EXD3: variants seen among roughly 807,000 people sequenced by gnomAD.
EXD3 encodes the protein exonuclease 3'-5' domain containing 3, also known as exonuclease mut-7 homolog.
A neutral mutation model predicts 98.0 loss-of-function variants in EXD3; 92 were observed. That is an observed-to-expected ratio of 0.94 (90% CI 0.79 to 1.12). The LOEUF is 1.12. Among genes scored for constraint, EXD3 ranks in the 50% most tolerant of loss-of-function variants. The pLI, the probability that EXD3 is intolerant of heterozygous loss-of-function variation, is 0.00. For missense variants in EXD3, 1,222 were observed against 1,191.6 expected (o/e 1.03, Z -0.38); for synonymous variants, 569 against 526.0 (o/e 1.08, Z -1.12).
At chr9:137,309,083 C>T (rs1170401061) in intron 20 of EXD3, among the ~76,000 whole-genome samples, 1 of 152,154 alleles carries the variant, frequency 6.6e-6, no homozygotes, top group Non-Finnish European at 1.5e-5. Context: ...GTTCTAATGG[C>T]GGCGGGGCGG....
Position 137,351,337 on chromosome 9 carries a change from G to A in EXD3, c.1365C>T (p.Asp455=). 6.2e-7 allele frequency: 1 copy of A among 1,611,742 alleles called. No homozygotes were observed. Residue 455 remains aspartate, a synonymous_variant, in exon 13 of 22, where the codon GAC becomes GAT. Transcript: ENST00000340951. ...FSRLVAQLLS[D]PSITKLGYGM... is the part of the protein sequence containing the mutation. ...ACTCACCCAGCTTGGTGATAGAGGG[G>A]TCCGAGAGGAGCTGGGCCACCAGCC...
intron 1 of EXD3, among the ~76,000 whole-genome samples, chr9:137,410,484 CAAAAAAA>C (rs34834761): frequency 1.6e-3 from 117 of 72,352 alleles, no homozygotes; most frequent in Non-Finnish European, 2.6e-3. Flanking sequence ...AACTCTGTCT[CAAAAAAA>C]AAAAAAAAAA....
intron 19 of EXD3, among the ~76,000 whole-genome samples, chr9:137,321,651 C>T (rs1170197699): frequency 6.6e-6 from 1 of 152,148 alleles, no homozygotes; most frequent in Non-Finnish European, 1.5e-5. Flanking sequence ...TCACTACACT[C>T]CAGCCTGGGC....
At chr9:137,320,609 C>T (rs1303192223) in intron 19 of EXD3, among the ~76,000 whole-genome samples, 2 of 152,156 alleles carry the variant, frequency 1.3e-5, no homozygotes, top group African/African-American at 2.4e-5. Flanking sequence ...TGGGTCAGGG[C>T]GGCCCCCACT....
At chr9:137,370,552 C>CGG (rs1382598729) in intron 5 of EXD3, among the ~76,000 whole-genome samples, 4 of 137,988 alleles carry the variant, frequency 2.9e-5, no homozygotes, top group African/African-American at 1.1e-4. Flanking sequence ...CTGGCGGGGT[C>CGG]GGGGTGGGGC....
At chr9:137,332,263 G>T (rs1226504690) in intron 17 of EXD3, among the ~76,000 whole-genome samples, 1 of 152,152 alleles carries the variant, frequency 6.6e-6, no homozygotes, top group African/African-American at 2.4e-5. Context: ...AACCAAAAAA[G>T]AGCCTGAATA....
chr9:137,327,735 C>T (rs56742239), intron 17 of EXD3, among the ~76,000 whole-genome samples: 10 of 48,100 alleles, frequency 2.1e-4, no homozygotes, highest in African/African-American at 6.1e-4. Context: ...TATACACCCA[C>T]ATGATGAGTA....
chr9:137,341,516 C>A (rs556859125), intron 17 of EXD3, among the ~76,000 whole-genome samples: 1 of 151,246 alleles, frequency 6.6e-6, no homozygotes, highest in Non-Finnish European at 1.5e-5. Context: ...CACCAGGAGC[C>A]GTCTCCCAGG....
At chr9:137,354,569 A>G (rs1388332642) in intron 9 of EXD3, 131 bp downstream of exon 9, 5 of 1,541,520 alleles carry the variant, frequency 3.2e-6, no homozygotes, top group Non-Finnish European at 4.4e-6. Context: ...CAGCTCACCC[A>G]GCTCTGGGGC....
At chr9:137,414,052 G>C (rs1838128800) in intron 1 of EXD3, among the ~76,000 whole-genome samples, 1 of 151,956 alleles carries the variant, frequency 6.6e-6, no homozygotes, top group South Asian at 2.1e-4. Context: ...GAGTAGCTGG[G>C]ACTACAGGCG....
intron 8 of EXD3, among the ~76,000 whole-genome samples, chr9:137,355,105 C>T (rs554177819): frequency 1.6e-4 from 25 of 152,344 alleles, no homozygotes; most frequent in Non-Finnish European, 3.4e-4. Context: ...CTCACTGGCA[C>T]GTGGAACCCT....
chr9:137,369,446 C>T (rs1249515551), intron 5 of EXD3, among the ~76,000 whole-genome samples: 4 of 152,240 alleles, frequency 2.6e-5, no homozygotes, highest in Non-Finnish European at 5.9e-5. Flanking sequence ...CTCTGCTCCT[C>T]CTGCCGCATG....
chr9:137,356,139 G>A, intron 8 of EXD3, 129 bp downstream of exon 8: 3 of 681,552 alleles, frequency 4.4e-6, no homozygotes, highest in South Asian at 1.8e-5. Flanking sequence ...AGGCAGGGAG[G>A]GGCTCTCTGG....
Position 137,307,036 on chromosome 9 carries a change from C to T in EXD3, c.2545G>A (p.Ala849Thr). ...FWDGSHLGRV[A>T]THFRDMLESA... Reference sequence around the variant, plus strand: ...TCCAGCATGTCTCGGAAGTGGGTGGCAACACGACCCAGGTGGGAGCCGTCC... The same window carrying T: ...TCCAGCATGTCTCGGAAGTGGGTGGTAACACGACCCAGGTGGGAGCCGTCC... The change falls in exon 22 of 22, where the codon GCC (alanine) becomes ACC (threonine). Residue 849 changes from alanine (A) to threonine (T), a missense_variant. By Grantham distance (58) the Ala-to-Thr change is moderately conservative (BLOSUM62 0). Transcript: ENST00000340951. 1 of 1,612,248 alleles carries T rather than the reference C, an allele frequency of 6.2e-7. No homozygotes were observed. Among genetic ancestry groups the T allele is most frequent in the Non-Finnish European group, 8.5e-7 (1 of 1,179,650 alleles).
chr9:137,352,338 GT>G (rs1359074084), intron 11 of EXD3, 137 bp from the exon 12 acceptor site: 1 of 1,264,206 alleles, frequency 7.9e-7, no homozygotes, highest in East Asian at 2.4e-5. Context: ...CACCGGCTCA[GT>G]CCAGCCCAGC....
Position 137,356,314 on chromosome 9 carries a change from C to T in EXD3, c.711G>A (p.Leu237=), listed in dbSNP as rs1050706663. 2 of 1,604,880 alleles carry T rather than the reference C, an allele frequency of 1.2e-6. No individual in the cohort carries two copies. Among genetic ancestry groups the T allele is most frequent in the East Asian group, 2.2e-5 (1 of 44,598 alleles). Residue 237 remains leucine, a synonymous_variant, in exon 8 of 22, where the codon CTG becomes CTA. Transcript: ENST00000340951. The part of the protein sequence containing the change: ...LSLEKLSPKA[L]SRQVLRLQER... Reference sequence around the variant, plus strand: ...CCTGCAGACGCAAGACCTGCCTGCTCAGCGCCTTCGGACTCAGCTTCTCCA... The same window carrying T: ...CCTGCAGACGCAAGACCTGCCTGCTTAGCGCCTTCGGACTCAGCTTCTCCA...
In EXD3 at chr9:137,343,575, CTTTTTTTTTTTTTTTTT is replaced by C. The variant is rs1167772389; in HGVS notation, c.1998+4479_1998+4495del. On this transcript the variant is annotated intron_variant, in intron 17 of 21. Transcript: ENST00000340951. ...AACATCTCACCATGGACTACTGTAT[CTTTTTTTTTTTTTTTTT>C]TTTTTTTTTTTTTTGAGACGGAGTC... The C allele has an allele frequency of 1.6e-4, 9 of 56,614 alleles. No individual in the cohort carries two copies. The South Asian group carries it at 3.0e-3, about 19-fold the overall frequency. 3.5% of individuals were successfully genotyped at this position (56,614 alleles called of 1,614,324 possible). A position where few individuals can be genotyped will look rare whatever the true frequency, so the allele number is the denominator to read the frequency against.
intron 17 of EXD3, among the ~76,000 whole-genome samples, chr9:137,328,611 GC>G (rs1261034554): frequency 5.3e-5 from 1 of 19,004 alleles, no homozygotes; most frequent in Non-Finnish European, 1.1e-4. Context: ...ACTACACGGG[GC>G]TACACGGGAC....
intron 20 of EXD3, among the ~76,000 whole-genome samples, chr9:137,308,965 C>T (rs1322855978): frequency 6.6e-6 from 1 of 152,152 alleles, no homozygotes; most frequent in Non-Finnish European, 1.5e-5. Context: ...TCTTTCTATC[C>T]ACCTCCATTC....
Sources: allele counts gnomAD v4.1 joint callset (sites outside exome capture counted in the v4.1 genomes callset), GRCh38; gene constraint gnomAD v4.1.1; transcripts MANE v1.5; gene names NCBI Gene and HGNC (gene_info 2026-07-23, HGNC 2026-07-21).